NELL2: variants seen among roughly 807,000 people sequenced by gnomAD.
NELL2 encodes protein kinase C-binding protein NELL2.
A neutral mutation model predicts 109.6 loss-of-function variants in NELL2; 41 were observed. That is an observed-to-expected ratio of 0.37 (90% CI 0.29 to 0.49). The LOEUF (loss-of-function observed/expected upper bound fraction) is 0.49, where lower values mean the gene tolerates loss of function less well. NELL2 is among the 20% of genes least tolerant of loss of function. The pLI is 0.98. For missense variants in NELL2, 900 were observed against 1,008.3 expected, an observed-to-expected ratio of 0.89 and a Z score of 1.45; for synonymous variants, 355 against 344.7, an observed-to-expected ratio of 1.03 and a Z score of -0.33.
Position 44,910,505 on chromosome 12 carries a change from G to T in NELL2, c.38+3294C>A, listed in dbSNP as rs566106625. ...GAGAAAGGAGAACTTATGCACTGTT[G>T]GTGGGAATGTAAATTAGTTCAACCA... On this transcript the variant is annotated intron_variant, in intron 1 of 20. Coordinates refer to the NELL2 transcript ENST00000333837. Among the ~76,000 whole-genome samples the T allele has an allele frequency of 2.6e-5, 4 of 152,048 alleles. No individual in the cohort carries two copies. In the East Asian group the frequency reaches 5.8e-4, roughly 22 times the overall value.
At chr12:44,661,709 G>A (rs80296394) in intron 13 of NELL2, among the ~76,000 whole-genome samples, 81 of 152,210 alleles carry the variant, frequency 5.3e-4, no homozygotes, top group Non-Finnish European at 1.0e-3. Context: ...AAAGCCATTC[G>A]TCCATATAAG....
At chr12:44,853,979 A>G (rs931752589) in intron 2 of NELL2, among the ~76,000 whole-genome samples, 1 of 152,190 alleles carries the variant, frequency 6.6e-6, no homozygotes, top group African/African-American at 2.4e-5. Context: ...ACAATCCATC[A>G]GTCTCCAGGA....
intron 10 of NELL2, 48 bp downstream of exon 10, chr12:44,714,602 G>A: frequency 1.7e-6 from 2 of 1,211,006 alleles, no homozygotes; most frequent in East Asian, 2.6e-5. Context: ...CTTTTATCTT[G>A]TTTATAAATA....
At chr12:44,815,761 GGC>G (rs150920830) in intron 3 of NELL2, 44,343 of 383,672 alleles carry the variant, frequency 0.12, 3,052 homozygotes, top group East Asian at 0.2. Context: ...TGGGACTACA[GGC>G]GCGCGCCACC....
intron 9 of NELL2, among the ~76,000 whole-genome samples, chr12:44,766,223 T>C (rs1941328834): frequency 6.6e-6 from 1 of 152,226 alleles, no homozygotes; most frequent in Non-Finnish European, 1.5e-5. Context: ...TCTTAATCTA[T>C]AATAACTTTA....
At chr12:44,608,369 T>C (rs1416304224) in intron 14 of NELL2, among the ~76,000 whole-genome samples, 1 of 152,038 alleles carries the variant, frequency 6.6e-6, no homozygotes, top group Non-Finnish European at 1.5e-5. Flanking sequence ...TCATAAGTGA[T>C]AAAGAATGTG....
intron 12 of NELL2, among the ~76,000 whole-genome samples, chr12:44,680,129 T>C (rs1452222162): frequency 6.6e-6 from 1 of 152,154 alleles, no homozygotes; most frequent in Non-Finnish European, 1.5e-5. Context: ...AAGCATGGAT[T>C]GCAGTCATAA....
chr12:44,523,324 C>T lies in NELL2; in HGVS notation c.1965G>A (p.Leu655=), dbSNP rs1226107440. 1 of 1,613,998 alleles carries T rather than the reference C, an allele frequency of 6.2e-7. No homozygotes were observed. Among genetic ancestry groups the T allele is most frequent in the Non-Finnish European group, 8.5e-7 (1 of 1,179,998 alleles). Residue 655 remains leucine, a synonymous_variant, in exon 17 of 20, where the codon TTG becomes TTA. Transcript: ENST00000429094. ...KVKHNGQIWV[L]ENDRCSVCSC... ...AGCACACAGAGCACCTGTCATTTTC[C>T]AACACCCAAATCTGACCATTGTGCT...
intron 2 of NELL2, among the ~76,000 whole-genome samples, chr12:44,861,604 C>A (rs1218838325): frequency 1.3e-5 from 2 of 152,124 alleles, no homozygotes; most frequent in Admixed American, 1.3e-4. Flanking sequence ...AGGCTTCAGG[C>A]CTACCCTAAT....
At position 44,885,686 on chromosome 12, in the gene NELL2, G is replaced by A. The variant is rs557106623; in HGVS notation, c.39-9786C>T. Among the ~76,000 whole-genome samples, 171 of 151,920 alleles carry A rather than the reference G, an allele frequency of 1.1e-3. 1 individual carries two copies. The highest frequency in any genetic ancestry group is 3.4e-3 in the Middle Eastern group (1 of 294). ...CTCACAGATACATATAGTTCTTATT[G>A]TTAAGATATCAATTATCTTCATATT... On this transcript the variant is annotated intron_variant, in intron 1 of 20. Transcript: ENST00000333837.
At chr12:44,916,403 T>C, upstream of NELL2, among the ~76,000 whole-genome samples, 1 of 152,236 alleles carries the variant, frequency 6.6e-6, no homozygotes, top group South Asian at 2.1e-4. Flanking sequence ...AAAAAAATGG[T>C]ATTAATCAAC....
At chr12:44,585,789 G>A (rs146501924) in intron 15 of NELL2, among the ~76,000 whole-genome samples, 202 of 151,994 alleles carry the variant, frequency 1.3e-3, no homozygotes, top group African/African-American at 4.5e-3. Flanking sequence ...TCATAATGGG[G>A]GAGGGAGAAT....
chr12:44,831,205 C>T (rs1313084731), intron 2 of NELL2, among the ~76,000 whole-genome samples: 1 of 152,076 alleles, frequency 6.6e-6, no homozygotes, highest in Non-Finnish European at 1.5e-5. Context: ...CTGTACTTTA[C>T]CTTACTGGGA....
At chr12:44,827,816 T>C (rs1217506789) in intron 2 of NELL2, among the ~76,000 whole-genome samples, 2 of 152,216 alleles carry the variant, frequency 1.3e-5, no homozygotes, top group Non-Finnish European at 2.9e-5. Flanking sequence ...TCCTTTCTTT[T>C]GGGTATATAC....
At chr12:44,531,158 G>A (rs1942035987) in intron 16 of NELL2, among the ~76,000 whole-genome samples, 1 of 152,186 alleles carries the variant, frequency 6.6e-6, no homozygotes, top group African/African-American at 2.4e-5. Context: ...CCTAGAGGAT[G>A]AGTGGAAAAG....
chr12:44,781,173 T>A, intron 3 of NELL2, among the ~76,000 whole-genome samples: 1 of 149,614 alleles, frequency 6.7e-6, no homozygotes, highest in Admixed American at 6.7e-5. Flanking sequence ...AAAGTTTCAA[T>A]AAAGAAAAAG....
At chr12:44,763,845 T>A (rs534800135) in intron 9 of NELL2, among the ~76,000 whole-genome samples, 1 of 151,984 alleles carries the variant, frequency 6.6e-6, no homozygotes, top group African/African-American at 2.4e-5. Flanking sequence ...CTTTTATTAA[T>A]CTTCTTATCC....
chr12:44,723,144 G>A (rs954348007), intron 9 of NELL2, among the ~76,000 whole-genome samples: 1 of 151,204 alleles, frequency 6.6e-6, no homozygotes. Flanking sequence ...AGCCGAGATC[G>A]CACCACACTG....
At chr12:44,700,810 T>C (rs571197054) in intron 12 of NELL2, among the ~76,000 whole-genome samples, 1 of 152,298 alleles carries the variant, frequency 6.6e-6, no homozygotes, top group South Asian at 2.1e-4. Flanking sequence ...CATGTATATC[T>C]AATTTACTGC....
Sources: allele counts gnomAD v4.1 joint callset (sites outside exome capture counted in the v4.1 genomes callset), GRCh38; gene constraint gnomAD v4.1.1; transcripts MANE v1.5; gene names NCBI Gene and HGNC (gene_info 2026-07-23, HGNC 2026-07-21).